Variants in AUTS2 observed in about 807,000 individuals in gnomAD.
The protein encoded by AUTS2 is autism susceptibility gene 2 protein.
AUTS2 carries 17 observed loss-of-function variants against 112.4 expected under a neutral mutation model. That is an observed-to-expected ratio of 0.15 (90% CI 0.10 to 0.23). AUTS2 has a LOEUF of 0.23. Ranked by LOEUF, AUTS2 falls within the 10% of genes least tolerant of loss-of-function variation. AUTS2 has a pLI of 1.00. For missense variants in AUTS2, 1,510 were observed against 1,701.6 expected (o/e 0.89, Z 1.98); for synonymous variants, 751 against 702.7 (o/e 1.07, Z -1.09).
intron 2 of AUTS2, among the ~76,000 whole-genome samples, chr7:69,991,836 A>G (rs1280252319): frequency 6.6e-6 from 1 of 152,218 alleles, no homozygotes; most frequent in Non-Finnish European, 1.5e-5. Flanking sequence ...TGCAAAATAC[A>G]GGGCTTGTCT....
intron 6 of AUTS2, among the ~76,000 whole-genome samples, chr7:70,704,200 G>T (rs908358103): frequency 6.6e-6 from 1 of 152,186 alleles, no homozygotes; most frequent in Non-Finnish European, 1.5e-5. Flanking sequence ...CCGAACTTGT[G>T]AATGCGTGTG....
At chr7:69,825,636 C>G (rs942463917) in intron 1 of AUTS2, 26 of 152,096 alleles carry the variant, frequency 1.7e-4, no homozygotes, top group Admixed American at 7.9e-4. Context: ...TAGATGCTCA[C>G]TATCCTCCAC....
chr7:69,746,438 A>C (rs1355819224), intron 1 of AUTS2, among the ~76,000 whole-genome samples: 1 of 152,130 alleles, frequency 6.6e-6, no homozygotes, highest in African/African-American at 2.4e-5. Flanking sequence ...GGAGGGAAAT[A>C]ATTCAGGGTG....
intron 2 of AUTS2, among the ~76,000 whole-genome samples, chr7:69,978,233 C>T (rs1213607613): frequency 6.6e-6 from 1 of 152,214 alleles, no homozygotes; most frequent in Non-Finnish European, 1.5e-5. Flanking sequence ...ATCACTAACA[C>T]ATACATTTGC....
chr7:70,659,196 C>T (rs1044470339), intron 5 of AUTS2, among the ~76,000 whole-genome samples: 7 of 152,180 alleles, frequency 4.6e-5, no homozygotes, highest in African/African-American at 7.2e-5. Context: ...CAGTGAGGTT[C>T]GGCACCTGAC....
At chr7:69,852,816 A>T (rs2129530072) in intron 1 of AUTS2, among the ~76,000 whole-genome samples, 1 of 152,210 alleles carries the variant, frequency 6.6e-6, no homozygotes, top group South Asian at 2.1e-4. Context: ...TGTGTCCCCT[A>T]AACTTGGTAT....
At chr7:70,501,355 G>T (rs73704487) in intron 5 of AUTS2, among the ~76,000 whole-genome samples, 1 of 152,160 alleles carries the variant, frequency 6.6e-6, no homozygotes, top group Admixed American at 6.5e-5. Flanking sequence ...TGGAAACAGG[G>T]GCATTAACTG....
chr7:69,808,174 C>T (rs111569490), intron 1 of AUTS2, among the ~76,000 whole-genome samples: 1,890 of 152,202 alleles, frequency 0.012, 21 homozygotes, highest in Non-Finnish European at 0.02. Context: ...GTAATCTGCC[C>T]GCCTCTGCCT....
chr7:70,109,325 A>G (rs1444033026), intron 2 of AUTS2, among the ~76,000 whole-genome samples: 1 of 152,142 alleles, frequency 6.6e-6, no homozygotes, highest in Admixed American at 6.5e-5. Context: ...CCTTCAACAC[A>G]TTATTTTTTA....
At chr7:70,003,449 A>G (rs1218109050) in intron 2 of AUTS2, among the ~76,000 whole-genome samples, 57 of 90,842 alleles carry the variant, frequency 6.3e-4, no homozygotes, top group Admixed American at 1.1e-3. Flanking sequence ...ATATGAATAT[A>G]TATAATATAT....
chr7:70,427,029 T>TA (rs11415688), intron 4 of AUTS2, among the ~76,000 whole-genome samples: 12,308 of 151,512 alleles, frequency 0.081, 685 homozygotes, highest in African/African-American at 0.16. Context: ...CAAGAAACTA[T>TA]ATATGGGAAG....
chr7:70,122,081 CAAAG>C (rs991084627), intron 3 of AUTS2, among the ~76,000 whole-genome samples: 4 of 151,882 alleles, frequency 2.6e-5, no homozygotes, highest in African/African-American at 9.7e-5. Flanking sequence ...AAAAGCAAGA[CAAAG>C]AAGGACAAAT....
intron 6 of AUTS2, among the ~76,000 whole-genome samples, chr7:70,735,018 A>G (rs74483783): frequency 6.6e-5 from 10 of 152,098 alleles, no homozygotes; most frequent in Non-Finnish European, 1.0e-4. Context: ...AAAAAAAAAA[A>G]GAAGTCTAGC....
chr7:69,792,708 C>G (rs901422874), intron 1 of AUTS2, among the ~76,000 whole-genome samples: 2 of 152,048 alleles, frequency 1.3e-5, no homozygotes, highest in Non-Finnish European at 1.5e-5. Context: ...AGTGAATCTA[C>G]GAGACTGAGT....
chr7:69,897,753 TC>T (rs1318728449), intron 1 of AUTS2, among the ~76,000 whole-genome samples: 1 of 151,984 alleles, frequency 6.6e-6, no homozygotes, highest in East Asian at 1.9e-4. Context: ...GCGAACTCTG[TC>T]TCAGAAAAAA....
chr7:70,379,975 G>A (rs981592925), intron 4 of AUTS2, among the ~76,000 whole-genome samples: 16 of 152,190 alleles, frequency 1.1e-4, no homozygotes, highest in African/African-American at 3.9e-4. Context: ...TGGTCAGGAA[G>A]ACAACAAGGT....
chr7:69,716,065 T>C (rs966342300), intron 1 of AUTS2, among the ~76,000 whole-genome samples: 11 of 152,306 alleles, frequency 7.2e-5, no homozygotes, highest in African/African-American at 2.6e-4. Flanking sequence ...CAAATCCTTC[T>C]CTAATTCTTG....
chr7:69,612,177 G>A lies in AUTS2; in HGVS notation c.309+12215G>A, dbSNP rs528864742. ...TGGATTATTTCTGAGAAATGATTAG[G>A]TCTGAGAAATGCTTTATTTCTTAGT... is the stretch of plus-strand genomic sequence containing the variant. On this transcript the variant is annotated intron_variant, in intron 1 of 18. Coordinates refer to ENST00000342771, the MANE Select transcript of AUTS2 (RefSeq NM_015570.4). Among the ~76,000 whole-genome samples the A allele has an allele frequency of 3.4e-4, 51 of 152,216 alleles. 1 individual carries two copies. The South Asian group carries it at 6.2e-3, about 19-fold the overall frequency.
At position 70,602,210 on chromosome 7, in the gene AUTS2, C is replaced by T. The variant is rs185530987; in HGVS notation, c.691-96359C>T. Among the ~76,000 whole-genome samples, 9 of 152,252 alleles carry T rather than the reference C, an allele frequency of 5.9e-5. No individual in the cohort carries two copies. In the East Asian group the frequency reaches 9.7e-4, roughly 16 times the overall value. ...CTCTCACATAGCTAGGGCCTCTGCA[C>T]GTATGATAACAAGACAGCTACCTTA... On this transcript the variant is annotated intron_variant, in intron 5 of 18. Coordinates refer to ENST00000342771, the MANE Select transcript of AUTS2 (RefSeq NM_015570.4).
Sources: allele counts gnomAD v4.1 joint callset (sites outside exome capture counted in the v4.1 genomes callset), GRCh38; gene constraint gnomAD v4.1.1; transcripts MANE v1.5; gene names NCBI Gene and HGNC (gene_info 2026-07-23, HGNC 2026-07-21).